Variants in ERI3 observed in about 807,000 individuals in gnomAD.
The protein encoded by ERI3 is ERI1 exoribonuclease family member 3, also known as ERI1 exoribonuclease 3.
A neutral mutation model predicts 44.4 loss-of-function variants in ERI3; 18 were observed. That is an observed-to-expected ratio of 0.41 (90% CI 0.28 to 0.60). The LOEUF is 0.60. ERI3 is among the 20% of genes least tolerant of loss of function. ERI3 has a pLI of 0.36. For synonymous variants in ERI3, 183 were observed against 164.8 expected, an observed-to-expected ratio of 1.11 and a Z score of -0.84; for missense variants, 294 against 435.5, an observed-to-expected ratio of 0.68 and a Z score of 2.89.
rs372090718 is a variant in ERI3, at chr1:44,339,340, T to TAAAA, written c.212-22_212-19dup. 17 of 976,620 alleles carry TAAAA rather than the reference T, an allele frequency of 1.7e-5. No individual in the cohort carries two copies. Among genetic ancestry groups the TAAAA allele is most frequent in the Non-Finnish European group, 2.1e-5 (16 of 776,518 alleles). 60.5% of individuals were successfully genotyped at this position (976,620 alleles called of 1,614,324 possible). A position where few individuals can be genotyped will look rare whatever the true frequency, so the allele number is the denominator to read the frequency against. ...ATCTAAAACTTAGGGGAGGAAAGTTTAAAAAAAAAAAAAAAAAAGAAAAGA... is the reference window on the plus strand; with the variant it reads ...ATCTAAAACTTAGGGGAGGAAAGTTTAAAAAAAAAAAAAAAAAAAAAAGAAAAGA... On this transcript the variant is annotated intron_variant, in intron 2 of 8. Transcript: ENST00000372257.
At chr1:44,300,185 G>A (rs949546901) in intron 6 of ERI3, among the ~76,000 whole-genome samples, 3 of 152,300 alleles carry the variant, frequency 2.0e-5, no homozygotes, top group African/African-American at 7.2e-5. Context: ...AAAGCATGAG[G>A]CTCCTACTGC....
At chr1:44,224,442 CAT>C (rs1643985362) in intron 8 of ERI3, among the ~76,000 whole-genome samples, 1 of 152,206 alleles carries the variant, frequency 6.6e-6, no homozygotes, top group East Asian at 1.9e-4. Flanking sequence ...GCCAGAAAGA[CAT>C]GTTTCCAATC....
chr1:44,320,963 C>T (rs1303051771), intron 3 of ERI3, among the ~76,000 whole-genome samples: 1 of 152,158 alleles, frequency 6.6e-6, no homozygotes, highest in East Asian at 1.9e-4. Flanking sequence ...GTCCTTCATT[C>T]TGGAGAAGAC....
intron 3 of ERI3, among the ~76,000 whole-genome samples, chr1:44,331,749 A>G (rs1432544328): frequency 2.0e-5 from 3 of 152,178 alleles, no homozygotes; most frequent in Non-Finnish European, 2.9e-5. Context: ...GACTTAGGCC[A>G]TTTCATTCTG....
At chr1:44,302,677 T>C (rs1325182613) in intron 6 of ERI3, among the ~76,000 whole-genome samples, 1 of 152,168 alleles carries the variant, frequency 6.6e-6, no homozygotes, top group Non-Finnish European at 1.5e-5. Flanking sequence ...CCTCTACCGA[T>C]ATCAAATGAG....
At chr1:44,266,254 T>C (rs1285839576) in intron 7 of ERI3, among the ~76,000 whole-genome samples, 1 of 152,106 alleles carries the variant, frequency 6.6e-6, no homozygotes, top group African/African-American at 2.4e-5. Flanking sequence ...GAGTTAAGTC[T>C]TGAAGGATAA....
chr1:44,221,596 G>C lies in ERI3; in HGVS notation c.976C>G (p.Arg326Gly). ...IANIMKTLAY[R>G]GFIFKQTSKP... Reference sequence around the variant, plus strand: ...GATGTCTGCTTGAAGATGAAGCCTCGATAGGCGAGTGTCTTCATGATGTTG... The same window carrying C: ...GATGTCTGCTTGAAGATGAAGCCTCCATAGGCGAGTGTCTTCATGATGTTG... The change falls in exon 9 of 9, where the codon CGA (arginine) becomes GGA (glycine). Residue 326 changes from arginine (R) to glycine (G), a missense_variant. Physicochemically the swap from Arg to Gly is moderately radical, Grantham distance 125. Transcript: ENST00000372257. The surrounding 1 kb of genome is among the most constrained non-coding windows in gnomAD (Gnocchi z 5.9). The C allele has an allele frequency of 6.2e-7, 1 of 1,614,142 alleles. No homozygotes were observed. The highest frequency in any genetic ancestry group is 8.5e-7 in the Non-Finnish European group (1 of 1,180,016).
In ERI3 at chr1:44,284,430, A is replaced by T. The variant is rs533069731; in HGVS notation, c.831+405T>A. Among the ~76,000 whole-genome samples, 3 of 152,338 alleles carry T rather than the reference A, an allele frequency of 2.0e-5. No individual in the cohort carries two copies. The South Asian group carries it at 6.2e-4, about 32-fold the overall frequency. ...CCAGAGTGATATATCAGGGCCAGTT[A>T]GGAGGGTCAGAGACCACATTGATGA... On this transcript the variant is annotated intron_variant, in intron 7 of 8. Transcript: ENST00000372257.
rs1273075936 is a variant in ERI3 at position 44,342,726 on chromosome 1, A to G, written c.212-3404T>C. Among the ~76,000 whole-genome samples the G allele has an allele frequency of 5.0e-4, 71 of 141,298 alleles. 1 individual carries two copies. Among genetic ancestry groups the G allele is most frequent in the Non-Finnish European group, 2.0e-4 (13 of 65,352 alleles). The allele number at this position is 141,298 out of a possible 152,430, so 92.7% of individuals were successfully genotyped here. On this transcript the variant is annotated intron_variant, in intron 2 of 8. Coordinates refer to ENST00000372257, the MANE Select transcript of ERI3 (RefSeq NM_024066.3). ...CAGCGGCACAATCATAGCTCACTGC[A>G]GCCTCGAACTCCCACGCTCAAGCAA...
At chr1:44,312,310 A>T (rs1326442275) in intron 5 of ERI3, among the ~76,000 whole-genome samples, 1 of 152,196 alleles carries the variant, frequency 6.6e-6, no homozygotes, top group African/African-American at 2.4e-5. Context: ...GGTCTTAAAA[A>T]ATAAATAAAG....
At chr1:44,339,728 A>G (rs1183526237) in intron 2 of ERI3, among the ~76,000 whole-genome samples, 1 of 152,206 alleles carries the variant, frequency 6.6e-6, no homozygotes, top group Non-Finnish European at 1.5e-5. Context: ...CTGTTGTACA[A>G]TGAGTCCTGG....
chr1:44,281,601 A>AAAAAAAT (rs1460400186), intron 7 of ERI3, among the ~76,000 whole-genome samples: 216 of 128,010 alleles, frequency 1.7e-3, no homozygotes, highest in South Asian at 8.0e-3. Context: ...AAAAAAAAAA[A>AAAAAAAT]ATATATATAT....
intron 2 of ERI3, among the ~76,000 whole-genome samples, chr1:44,347,032 C>T (rs975650958): frequency 6.6e-6 from 1 of 152,160 alleles, no homozygotes; most frequent in South Asian, 2.1e-4. Flanking sequence ...TAAGAATATT[C>T]GCATATCACA....
intron 2 of ERI3, among the ~76,000 whole-genome samples, chr1:44,342,858 T>TATAAATATATATA (rs1408660607): frequency 1.8e-4 from 2 of 11,372 alleles, no homozygotes; most frequent in Non-Finnish European, 3.3e-4. Flanking sequence ...TATATATATA[T>TATAAATATATATA]TTTTTTTTTT....
intron 7 of ERI3, among the ~76,000 whole-genome samples, chr1:44,269,753 T>C (rs751680245): frequency 6.6e-6 from 1 of 152,214 alleles, no homozygotes; most frequent in Non-Finnish European, 1.5e-5. Flanking sequence ...GTATCTGCTA[T>C]GGGCCAAGTG....
Position 44,319,688 on chromosome 1 carries a change from A to G in ERI3, c.546T>C (p.Ser182=). The part of the protein sequence containing the change: ...KLNGRTMEIE[S]TFHMYVQPVV... ...CAGGCTGGACATACATGTGAAAGGT[A>G]GACTCAATCTCCATGGTCCGGCCAT... The change falls in exon 4 of 9, where the codon TCT becomes TCC. Residue 182 remains serine, a synonymous_variant. Coordinates refer to ENST00000372257, the MANE Select transcript of ERI3 (RefSeq NM_024066.3). The G allele has an allele frequency of 6.2e-7, 1 of 1,614,220 alleles. No individual in the cohort carries two copies. The highest frequency in any genetic ancestry group is 8.5e-7 in the Non-Finnish European group (1 of 1,180,018).
intron 2 of ERI3, among the ~76,000 whole-genome samples, chr1:44,342,850 TATATATA>T (rs1325586722): frequency 2.0e-4 from 7 of 34,870 alleles, no homozygotes; most frequent in Admixed American, 3.8e-4. Flanking sequence ...TATATATATA[TATATATA>T]TTTTTTTTTT....
At chr1:44,237,792 C>T (rs886897246) in intron 8 of ERI3, among the ~76,000 whole-genome samples, 1 of 152,212 alleles carries the variant, frequency 6.6e-6, no homozygotes, top group Non-Finnish European at 1.5e-5. Flanking sequence ...GCTCCCTGTA[C>T]ATCATGGTGT....
chr1:44,297,324 G>GCC (rs1220262535), intron 6 of ERI3, among the ~76,000 whole-genome samples: 11 of 151,994 alleles, frequency 7.2e-5, no homozygotes, highest in Non-Finnish European at 1.5e-4. Context: ...TCAGGCATGG[G>GCC]CCACTATGCC....
Sources: allele counts gnomAD v4.1 joint callset (sites outside exome capture counted in the v4.1 genomes callset), GRCh38; gene constraint gnomAD v4.1.1; non-coding constraint Gnocchi (gnomAD v3.1); transcripts MANE v1.5; gene names NCBI Gene and HGNC (gene_info 2026-07-23, HGNC 2026-07-21).